CAB39: variants seen among roughly 807,000 people sequenced by gnomAD.
CAB39 encodes calcium-binding protein 39.
In CAB39, 8 loss-of-function variants were observed where a neutral mutation model predicts 40.0. That is an observed-to-expected ratio of 0.20 (90% CI 0.12 to 0.36). The LOEUF (loss-of-function observed/expected upper bound fraction) is 0.36. Ranked by LOEUF, CAB39 falls within the 10% of genes least tolerant of loss-of-function variation. The pLI, the probability that CAB39 is intolerant of heterozygous loss-of-function variation, is 1.00. For synonymous variants in CAB39, 156 were observed against 141.6 expected, an observed-to-expected ratio of 1.10 and a Z score of -0.72; for missense variants, 270 against 401.1, an observed-to-expected ratio of 0.67 and a Z score of 2.79.
intron 1 of CAB39, among the ~76,000 whole-genome samples, chr2:230,739,679 A>G (rs1473585331): frequency 6.6e-6 from 1 of 152,182 alleles, no homozygotes; most frequent in Non-Finnish European, 1.5e-5. Flanking sequence ...TTTTTAGTAG[A>G]GACGGGGTTT....
intron 6 of CAB39, among the ~76,000 whole-genome samples, chr2:230,812,924 T>G (rs967629456): frequency 2.0e-5 from 3 of 152,190 alleles, no homozygotes; most frequent in African/African-American, 7.2e-5. Flanking sequence ...GAAAAACTTT[T>G]CACAAACAGG....
chr2:230,736,052 C>T (rs930084327), intron 1 of CAB39, among the ~76,000 whole-genome samples: 16 of 152,158 alleles, frequency 1.1e-4, no homozygotes, highest in African/African-American at 3.6e-4. Flanking sequence ...TATGCTGTTA[C>T]TCATGGATAG....
At chr2:230,765,888 A>T (rs77677141) in intron 2 of CAB39, among the ~76,000 whole-genome samples, 2,236 of 152,234 alleles carry the variant, frequency 0.015, 56 homozygotes, top group African/African-American at 0.05. Flanking sequence ...AAGAATAGAC[A>T]TTTCGCTATT....
intron 1 of CAB39, among the ~76,000 whole-genome samples, chr2:230,731,776 T>C (rs1456071091): frequency 2.0e-5 from 3 of 151,954 alleles, no homozygotes; most frequent in African/African-American, 7.3e-5. Context: ...GATTATGATG[T>C]GAGCCACCAT....
chr2:230,768,212 T>G (rs1390850151), intron 2 of CAB39, among the ~76,000 whole-genome samples: 2 of 152,246 alleles, frequency 1.3e-5, no homozygotes, highest in African/African-American at 2.4e-5. Context: ...TATAAGAGTT[T>G]ATATATTGAA....
chr2:230,802,949 C>G (rs1696118529), intron 5 of CAB39, among the ~76,000 whole-genome samples: 1 of 151,860 alleles, frequency 6.6e-6, no homozygotes. Context: ...GGTAGAGACA[C>G]AACAAAAAAA....
intron 1 of CAB39, among the ~76,000 whole-genome samples, chr2:230,744,979 C>T (rs1014829010): frequency 6.6e-6 from 1 of 152,220 alleles, no homozygotes; most frequent in Non-Finnish European, 1.5e-5. Flanking sequence ...TGAACCTTAG[C>T]ATTACAGCAT....
intron 1 of CAB39, among the ~76,000 whole-genome samples, chr2:230,751,101 A>G (rs1275039876): frequency 6.6e-6 from 1 of 152,268 alleles, no homozygotes; most frequent in Non-Finnish European, 1.5e-5. Flanking sequence ...GAATGTGTTC[A>G]TGCATGTACT....
chr2:230,802,404 AAGATC>A (rs1696106259), intron 5 of CAB39, among the ~76,000 whole-genome samples: 1 of 152,196 alleles, frequency 6.6e-6, no homozygotes, highest in South Asian at 2.1e-4. Flanking sequence ...AGAAATAACT[AAGATC>A]AGAGCAGAAC....
At chr2:230,792,021 TGACA>T (rs1342234440) in intron 3 of CAB39, among the ~76,000 whole-genome samples, 1 of 152,106 alleles carries the variant, frequency 6.6e-6, no homozygotes, top group African/African-American at 2.4e-5. Flanking sequence ...GAGGAGAAAA[TGACA>T]GACGTATAGC....
chr2:230,741,546 G>A (rs1039039715), intron 1 of CAB39, among the ~76,000 whole-genome samples: 23 of 151,714 alleles, frequency 1.5e-4, no homozygotes, highest in African/African-American at 5.3e-4. Flanking sequence ...CACTTTTTTT[G>A]CCTAGGCTGG....
At position 230,804,413 on chromosome 2, in the gene CAB39, A is replaced by G. The variant is rs1575958731; in HGVS notation, c.567+5516A>G. On this transcript the variant is annotated intron_variant, in intron 5 of 8. Transcript: ENST00000258418. ...AAATAGATAAATGGGATCTAAATAA[A>G]GAGCTTCTGCACAGCAAAAGAAACT... is the stretch of plus-strand genomic sequence containing the variant. Among the ~76,000 whole-genome samples the G allele has an allele frequency of 3.3e-5, 5 of 152,364 alleles. No individual in the cohort carries two copies. The South Asian group carries it at 1.0e-3, about 32-fold the overall frequency.
chr2:230,749,719 G>A (rs1695053303), intron 1 of CAB39, among the ~76,000 whole-genome samples: 1 of 152,108 alleles, frequency 6.6e-6, no homozygotes, highest in Non-Finnish European at 1.5e-5. Flanking sequence ...AATTCTGGTT[G>A]GTTTTCCTTT....
intron 1 of CAB39, among the ~76,000 whole-genome samples, chr2:230,721,951 A>G (rs1334171410): frequency 6.6e-6 from 1 of 152,092 alleles, no homozygotes; most frequent in African/African-American, 2.4e-5. Flanking sequence ...TTGCATACTT[A>G]CTAGTATGGC....
rs200445307 is a variant in CAB39, at chr2:230,799,807, A to G, written c.567+910A>G. Among the ~76,000 whole-genome samples, 16 of 152,202 alleles carry G rather than the reference A, an allele frequency of 1.1e-4. No homozygotes were observed. In the East Asian group the frequency reaches 2.3e-3, roughly 22 times the overall value. On this transcript the variant is annotated intron_variant, in intron 5 of 8. Coordinates refer to ENST00000258418, the MANE Select transcript of CAB39 (RefSeq NM_016289.4). ...GGAGTTCGAGACCAGCCTCACCAAC[A>G]TGGAGAAACCCCGTCTCTACTAAAA... is the stretch of plus-strand genomic sequence containing the variant.
intron 1 of CAB39, among the ~76,000 whole-genome samples, chr2:230,724,302 A>G (rs894200307): frequency 5.3e-5 from 8 of 152,074 alleles, no homozygotes; most frequent in African/African-American, 1.9e-4. Context: ...TTGTGTGAAC[A>G]GGAGGCATGT....
chr2:230,782,728 G>A (rs555705374), intron 2 of CAB39, among the ~76,000 whole-genome samples: 1 of 151,544 alleles, frequency 6.6e-6, no homozygotes, highest in South Asian at 2.1e-4. Context: ...CAGTGTGGCC[G>A]TACTGTGACT....
chr2:230,745,454 GA>G (rs1452028862), intron 1 of CAB39, among the ~76,000 whole-genome samples: 1 of 152,154 alleles, frequency 6.6e-6, no homozygotes, highest in Non-Finnish European at 1.5e-5. Context: ...ATGGTCCTCA[GA>G]CCTATGCTTG....
intron 1 of CAB39, among the ~76,000 whole-genome samples, chr2:230,754,793 A>G (rs528054450): frequency 2.1e-4 from 32 of 152,334 alleles, no homozygotes; most frequent in South Asian, 1.0e-3. Context: ...TGGTGGGATT[A>G]CAGGCATGAG....
Sources: allele counts gnomAD v4.1 joint callset (sites outside exome capture counted in the v4.1 genomes callset), GRCh38; gene constraint gnomAD v4.1.1; transcripts MANE v1.5; gene names NCBI Gene and HGNC (gene_info 2026-07-23, HGNC 2026-07-21).